Variants in SLC25A3 observed in about 807,000 individuals in gnomAD.
SLC25A3 encodes the protein phosphate transport protein.
SLC25A3 carries 14 observed loss-of-function variants against 37.1 expected under a neutral mutation model. The observed-to-expected ratio is 0.38, with a 90% CI of 0.25 to 0.59. The LOEUF (loss-of-function observed/expected upper bound fraction) is 0.59. Ranked by LOEUF, SLC25A3 falls within the 20% of genes least tolerant of loss-of-function variation. SLC25A3 has a pLI of 0.67. For synonymous variants in SLC25A3, 161 were observed against 168.7 expected (o/e 0.95, Z 0.36); for missense variants, 385 against 458.1 (o/e 0.84, Z 1.46).
intron 5 of SLC25A3, chr12:98,599,580 G>T: frequency 2.1e-6 from 1 of 484,836 alleles, no homozygotes; most frequent in Non-Finnish European, 4.1e-6. Context: ...AACTTTTAGG[G>T]AGGGCTTGTT....
Position 98,593,687 on chromosome 12 carries a change from T to G in SLC25A3, c.-58T>G, listed in dbSNP as rs1474830118. On this transcript the variant is annotated 5_prime_UTR_variant, in exon 1 of 8. Coordinates refer to ENST00000552981, the MANE Select transcript of SLC25A3 (RefSeq NM_002635.4). ...CTTAGGACCCGGAGGACGTCCGGCC[T>G]CTGTGAGCCGCAACCTTTCCAAGGG... 1 of 513,156 alleles carries G rather than the reference T, an allele frequency of 1.9e-6. No individual in the cohort carries two copies. Among genetic ancestry groups the G allele is most frequent in the Non-Finnish European group, 3.6e-6 (1 of 281,370 alleles). 31.8% of individuals were successfully genotyped at this position (513,156 alleles called of 1,614,324 possible).
intron 4 of SLC25A3, 35 bp from the exon 5 acceptor site, chr12:98,598,487 C>G: frequency 6.2e-7 from 1 of 1,611,484 alleles, no homozygotes; most frequent in Non-Finnish European, 8.5e-7. Context: ...AACACAACAG[C>G]AATTCACATC....
At chr12:98,600,554 AG>A (rs906920812) in intron 6 of SLC25A3, among the ~76,000 whole-genome samples, 1 of 152,154 alleles carries the variant, frequency 6.6e-6, no homozygotes, top group African/African-American at 2.4e-5. Flanking sequence ...CTGGGATTGC[AG>A]GCGTCTGCCA....
At chr12:98,595,485 T>C (rs1296011149) in intron 2 of SLC25A3, 4 of 1,613,620 alleles carry the variant, frequency 2.5e-6, no homozygotes, top group Non-Finnish European at 3.4e-6. Context: ...TTTGTGGACT[T>C]GGAGGAATTA....
chr12:98,599,949 T>C lies in SLC25A3; in HGVS notation c.642-6T>C. Reference sequence around the variant, plus strand: ...ACTGTGTAAAACAAGTCTCTTGATTTCCTAGATTCTACAAGGGGGTTGCTC... The same window carrying C: ...ACTGTGTAAAACAAGTCTCTTGATTCCCTAGATTCTACAAGGGGGTTGCTC... On this transcript the variant is annotated splice_region_variant and splice_polypyrimidine_tract_variant and intron_variant, in intron 5 of 7. Transcript: ENST00000552981. 1 of 1,613,804 alleles carries C rather than the reference T, an allele frequency of 6.2e-7. No individual in the cohort carries two copies. The highest frequency in any genetic ancestry group is 8.5e-7 in the Non-Finnish European group (1 of 1,179,734).
rs1010475093 is a variant in SLC25A3, at chr12:98,593,996, G to T, written c.18G>T (p.Ala6=). 1.2e-6 allele frequency: 2 copies of T among 1,613,812 alleles called. No homozygotes were observed. Among genetic ancestry groups the T allele is most frequent in the Non-Finnish European group, 1.7e-6 (2 of 1,179,832 alleles). The change falls in exon 2 of 8, where the codon GCG becomes GCT. Residue 6 remains alanine, a synonymous_variant. Transcript: ENST00000552981. The part of the protein sequence containing the change: MFSSV[A]HLARANPFNT... ...CTAGAAAGATGTTCTCGTCCGTGGCGCACCTGGCGCGGGCGAACCCCTTCA... is the reference window on the plus strand; with the variant it reads ...CTAGAAAGATGTTCTCGTCCGTGGCTCACCTGGCGCGGGCGAACCCCTTCA...
chr12:98,594,480 CCA>C, intron 2 of SLC25A3: 1 of 640,152 alleles, frequency 1.6e-6, no homozygotes, highest in Non-Finnish European at 2.8e-6. Flanking sequence ...TACTGACCAC[CCA>C]CAGTTCTACT....
In SLC25A3 at chr12:98,598,526, A is replaced by C. The variant is rs779670781; in HGVS notation, c.464A>C (p.Asn155Thr). 8.7e-6 allele frequency: 14 copies of C among 1,612,354 alleles called. No homozygotes were observed. In the Admixed American group the frequency reaches 1.5e-4, roughly 17 times the overall value. Residue 155 changes from asparagine (N) to threonine (T), a missense_variant, in exon 5 of 8, where the codon AAT (asparagine) becomes ACT (threonine). By Grantham distance (65) the Asn-to-Thr change is moderately conservative. Around this residue, in one of 2 missense-constraint regions of SLC25A3, gnomAD observed 276 missense variants for 367.6 expected, o/e 0.75. Transcript: ENST00000552981. ...TCCTTGTGTTTTGGATTTTAGGAGAATACTTATCTCTGGCGCACATCACTA... is the reference window on the plus strand; with the variant it reads ...TCCTTGTGTTTTGGATTTTAGGAGACTACTTATCTCTGGCGCACATCACTA... ...VLYSNMLGEE[N>T]TYLWRTSLYL...
chr12:98,595,149 A>G (rs1342646621), intron 2 of SLC25A3: 8 of 428,366 alleles, frequency 1.9e-5, no homozygotes, highest in Non-Finnish European at 3.0e-5. Flanking sequence ...CCAGTGGTTA[A>G]TAATTTGAAG....
chr12:98,599,781 G>A (rs768979735), intron 5 of SLC25A3, 174 bp from the exon 6 acceptor site: 2 of 812,098 alleles, frequency 2.5e-6, no homozygotes, highest in Non-Finnish European at 4.3e-6. Context: ...TCATTGGCAT[G>A]TAAGAGAAAT....
In SLC25A3 at chr12:98,598,721, A is replaced by G. The variant is rs762951621; in HGVS notation, c.641+18A>G. On this transcript the variant is annotated intron_variant, in intron 5 of 7. Coordinates refer to ENST00000552981, the MANE Select transcript of SLC25A3 (RefSeq NM_002635.4). ...CTAAAAGCGTAAGTAAACACTTAAA[A>G]ATTTATACTATGAAAGTACTTATTT... is the stretch of plus-strand genomic sequence containing the variant. 1 of 1,601,836 alleles carries G rather than the reference A, an allele frequency of 6.2e-7. No homozygotes were observed. Among genetic ancestry groups the G allele is most frequent in the Non-Finnish European group, 8.6e-7 (1 of 1,169,554 alleles).
chr12:98,593,892 A>C, intron 1 of SLC25A3, 83 bp from the exon 2 acceptor site: 1 of 1,507,464 alleles, frequency 6.6e-7, no homozygotes, highest in Non-Finnish European at 9.2e-7. Flanking sequence ...GGGAAGGAAA[A>C]GGCCCCGGTT....
intron 2 of SLC25A3, chr12:98,595,457 C>T: frequency 6.2e-7 from 1 of 1,613,076 alleles, no homozygotes; most frequent in Non-Finnish European, 8.5e-7. Context: ...GACTATGGAT[C>T]TGGCAGATTC....
rs775780499 is a variant in SLC25A3 at position 98,594,155 on chromosome 12, A to C, written c.157+20A>C. The stretch of plus-strand genomic sequence containing the variant: ...TGGAAGGTGAGATCAGACCCTGCCC[A>C]ATACAGTCGTGTGGTCTACTTGTGG... On this transcript the variant is annotated intron_variant, in intron 2 of 7. Coordinates refer to ENST00000552981, the MANE Select transcript of SLC25A3 (RefSeq NM_002635.4). The C allele has an allele frequency of 1.3e-6, 2 of 1,593,176 alleles. No homozygotes were observed. The highest frequency in any genetic ancestry group is 4.5e-5 in the East Asian group (2 of 44,330).
intron 5 of SLC25A3, among the ~76,000 whole-genome samples, chr12:98,599,343 G>A (rs1172365185): frequency 2.0e-5 from 3 of 152,198 alleles, no homozygotes; most frequent in East Asian, 1.9e-4. Flanking sequence ...GTGAGACACC[G>A]CGTCTGGCTG....
At chr12:98,596,902 G>A (rs1360094128) in intron 3 of SLC25A3, among the ~76,000 whole-genome samples, 5 of 151,960 alleles carry the variant, frequency 3.3e-5, no homozygotes, top group Admixed American at 2.0e-4. Flanking sequence ...GCCTGTAGTC[G>A]CAGCTACTCG....
rs1051706733 is a variant in SLC25A3 at position 98,601,695 on chromosome 12, C to G, written c.*167C>G. ...TTTCAGATTTACTGTTGAAATAAAC[C>G]CAACTCTTCATGATTTGCCTGTGAC... On this transcript the variant is annotated 3_prime_UTR_variant, in exon 8 of 8. Transcript: ENST00000552981. 9.5e-6 allele frequency: 6 copies of G among 628,548 alleles called. No homozygotes were observed. Among genetic ancestry groups the G allele is most frequent in the African/African-American group, 9.2e-5 (5 of 54,208 alleles). The allele number at this position is 628,548 out of a possible 1,614,324, so 38.9% of individuals were successfully genotyped here.
intron 3 of SLC25A3, among the ~76,000 whole-genome samples, chr12:98,597,068 A>G (rs1198034469): frequency 1.3e-5 from 2 of 152,108 alleles, no homozygotes; most frequent in African/African-American, 4.8e-5. Context: ...GTGGTAAGAA[A>G]TCTGTTAAGA....
Position 98,602,484 on chromosome 12 carries a change from G to A in SLC25A3, c.*956G>A, listed in dbSNP as rs1405778695. On this transcript the variant is annotated 3_prime_UTR_variant, in exon 8 of 8. Coordinates refer to ENST00000552981, the MANE Select transcript of SLC25A3 (RefSeq NM_002635.4). ...CGGCTCTGACTTTTTACAGAAAATT[G>A]AACTATTTTCAGTCTGGTATTTTAA... The A allele has an allele frequency of 6.6e-6, 1 of 152,130 alleles. No individual in the cohort carries two copies. The highest frequency in any genetic ancestry group is 1.5e-5 in the Non-Finnish European group (1 of 68,020). 9.4% of individuals were successfully genotyped at this position (152,130 alleles called of 1,614,324 possible).
Sources: allele counts gnomAD v4.1 joint callset (sites outside exome capture counted in the v4.1 genomes callset), GRCh38; gene constraint gnomAD v4.1.1; regional missense constraint gnomAD v4.1.1; transcripts MANE v1.5; gene names NCBI Gene and HGNC (gene_info 2026-07-23, HGNC 2026-07-21).